The following LEPROTL1 variants were observed in gnomAD, a reference collection of about 807,000 sequenced individuals.
LEPROTL1 encodes leptin receptor overlapping transcript like 1.
A neutral mutation model predicts 15.4 loss-of-function variants in LEPROTL1; 6 were observed. That is an observed-to-expected ratio of 0.39 (90% confidence interval 0.21 to 0.77). The LOEUF is 0.77. Among genes scored for constraint, LEPROTL1 ranks in the 30% least tolerant of loss-of-function variants. LEPROTL1 has a pLI of 0.41. For missense variants in LEPROTL1, 128 were observed against 158.1 expected (o/e 0.81, Z 1.02); for synonymous variants, 56 against 52.6 (o/e 1.06, Z -0.28).
intron 1 of LEPROTL1, among the ~76,000 whole-genome samples, chr8:30,097,820 C>A (rs76935483): frequency 0.011 from 1,683 of 151,146 alleles, 35 homozygotes; most frequent in African/African-American, 0.039. Context: ...ATAGCACTTA[C>A]AATAAGACAA....
At chr8:30,103,149 A>C (rs1030781846) in intron 2 of LEPROTL1, among the ~76,000 whole-genome samples, 5 of 152,250 alleles carry the variant, frequency 3.3e-5, no homozygotes, top group Admixed American at 6.5e-5. Flanking sequence ...GTCCTTCAAA[A>C]GAAAAATGGT....
chr8:30,120,070 T>G (rs576144209), intron 3 of LEPROTL1, among the ~76,000 whole-genome samples: 4 of 22,336 alleles, frequency 1.8e-4, no homozygotes, highest in Admixed American at 1.5e-3. Flanking sequence ...CATCAATAAA[T>G]AAATAAATAA....
At position 30,106,419 on chromosome 8, in the gene LEPROTL1, CAG is replaced by C. The variant is rs1265076741; in HGVS notation, c.*560_*561del. 2.0e-6 allele frequency: 2 copies of C among 985,654 alleles called. No individual in the cohort carries two copies. Among genetic ancestry groups the C allele is most frequent in the African/African-American group, 3.5e-5 (2 of 57,222 alleles). 61.1% of individuals were successfully genotyped at this position (985,654 alleles called of 1,614,324 possible). A position where few individuals can be genotyped will look rare whatever the true frequency, so the allele number is the denominator to read the frequency against. ...TGCAAATATAGCTGCATTTATACCTCAGAGGGGCCAAGTGTTAATGCCCATGC... is the reference window on the plus strand; with the variant it reads ...TGCAAATATAGCTGCATTTATACCTCAGGGGCCAAGTGTTAATGCCCATGC... On this transcript the variant is annotated 3_prime_UTR_variant, in exon 4 of 4. Transcript: ENST00000321250.
At chr8:30,104,784 C>G (rs1461447336) in intron 3 of LEPROTL1, 2 of 186,502 alleles carry the variant, frequency 1.1e-5, no homozygotes, top group Non-Finnish European at 2.2e-5. Context: ...GTGATCTCAC[C>G]TCACTGCAAG....
At chr8:30,129,680 A>C (rs1802963188) in intron 3 of LEPROTL1, among the ~76,000 whole-genome samples, 1 of 147,520 alleles carries the variant, frequency 6.8e-6, no homozygotes. Context: ...ACACCACTGC[A>C]CTCCAGCCTG....
chr8:30,132,078 G>A lies in LEPROTL1; in HGVS notation c.280-297G>A. Reference sequence around the variant, plus strand: ...TGACCTCCACAGCCAGCATGATGTAGGCAATGATCAACTGGGTGTGGGCCC... The same window carrying A: ...TGACCTCCACAGCCAGCATGATGTAAGCAATGATCAACTGGGTGTGGGCCC... On this transcript the variant is annotated intron_variant, in intron 3 of 4. Coordinates refer to the LEPROTL1 transcript ENST00000442880. 3 of 1,551,778 alleles carry A rather than the reference G, an allele frequency of 1.9e-6. No homozygotes were observed. In the South Asian group the frequency reaches 3.6e-5, roughly 18 times the overall value.
At position 30,117,632 on chromosome 8, in the gene LEPROTL1, G is replaced by C; in HGVS notation, c.279+13146G>C. ...TGTGATCATCAATGATTTCAAATTC[G>C]CCAATGTAACCATGCTTCATCATCA... On this transcript the variant is annotated intron_variant, in intron 3 of 4. Transcript: ENST00000442880. 4 of 1,468,820 alleles carry C rather than the reference G, an allele frequency of 2.7e-6. No homozygotes were observed. In the Admixed American group the frequency reaches 6.7e-5, roughly 25 times the overall value. The allele number at this position is 1,468,820 out of a possible 1,614,324, so 91.0% of individuals were successfully genotyped here.
At chr8:30,134,514 A>G (rs1803098095) in intron 4 of LEPROTL1, among the ~76,000 whole-genome samples, 1 of 152,034 alleles carries the variant, frequency 6.6e-6, no homozygotes, top group African/African-American at 2.4e-5. Context: ...TCCCACTGTA[A>G]TGCCCAATTC....
intron 3 of LEPROTL1, among the ~76,000 whole-genome samples, chr8:30,105,470 C>T (rs1242911404): frequency 3.3e-5 from 5 of 150,652 alleles, no homozygotes; most frequent in African/African-American, 1.2e-4. Context: ...TTTAAAGGAA[C>T]CAAAGGTAAA....
rs925781527 is a variant in LEPROTL1 at position 30,107,855 on chromosome 8, T to C, written c.*1993T>C. On this transcript the variant is annotated 3_prime_UTR_variant, in exon 4 of 4. Coordinates refer to ENST00000321250, the MANE Select transcript of LEPROTL1 (RefSeq NM_015344.3). ...TTTATCCACTTGGCCACAGACTTTT[T>C]CTAACAGCTGCGTATTATTTCTATA... is the stretch of plus-strand genomic sequence containing the variant. 4.5e-5 allele frequency: 44 copies of C among 985,276 alleles called. No homozygotes were observed. Among genetic ancestry groups the C allele is most frequent in the Non-Finnish European group, 5.1e-5 (42 of 829,902 alleles). 61.0% of individuals were successfully genotyped at this position (985,276 alleles called of 1,614,324 possible).
downstream of LEPROTL1, among the ~76,000 whole-genome samples, chr8:30,112,822 C>G (rs555892253): frequency 6.6e-5 from 10 of 151,918 alleles, no homozygotes; most frequent in South Asian, 2.1e-3. Flanking sequence ...GTTAGATGTT[C>G]GCTGTTGCTT....
At chr8:30,098,478 TC>T (rs1374741409) in intron 1 of LEPROTL1, among the ~76,000 whole-genome samples, 1 of 152,226 alleles carries the variant, frequency 6.6e-6, no homozygotes, top group Non-Finnish European at 1.5e-5. Flanking sequence ...CTATTTTGTC[TC>T]TTTTTAGTGG....
At chr8:30,135,062 T>A (rs1302968748) in intron 4 of LEPROTL1, among the ~76,000 whole-genome samples, 1 of 150,354 alleles carries the variant, frequency 6.7e-6, no homozygotes, top group African/African-American at 2.4e-5. Context: ...GTGGGTTTTT[T>A]TTTTTTTTTT....
intron 3 of LEPROTL1, among the ~76,000 whole-genome samples, chr8:30,118,579 A>G (rs760663789): frequency 6.6e-6 from 1 of 152,180 alleles, no homozygotes; most frequent in Non-Finnish European, 1.5e-5. Context: ...AGGTGGGACA[A>G]GAGACTGAGA....
intron 3 of LEPROTL1, 178 bp downstream of exon 3, chr8:30,104,664 A>G (rs1225141835): frequency 2.3e-6 from 1 of 429,708 alleles, no homozygotes; most frequent in Non-Finnish European, 4.1e-6. Flanking sequence ...ATATTGGAGA[A>G]CGTGGCTTGG....
At chr8:30,097,692 T>TACAC (rs1194753050) in intron 1 of LEPROTL1, among the ~76,000 whole-genome samples, 1 of 117,056 alleles carries the variant, frequency 8.5e-6, no homozygotes, top group African/African-American at 3.5e-5. Flanking sequence ...AAAATATATA[T>TACAC]ATATATACAC....
At chr8:30,109,504 T>C (rs901884538), downstream of LEPROTL1, among the ~76,000 whole-genome samples, 9 of 152,372 alleles carry the variant, frequency 5.9e-5, no homozygotes, top group Middle Eastern at 3.4e-3. Flanking sequence ...TTAGAATATA[T>C]TAAAACACTT....
downstream of LEPROTL1, among the ~76,000 whole-genome samples, chr8:30,108,709 A>G (rs908292199): frequency 4.0e-5 from 6 of 150,374 alleles, no homozygotes; most frequent in African/African-American, 1.5e-4. Flanking sequence ...ATCTTGGCTC[A>G]CTGCAACTGC....
chr8:30,128,939 C>T (rs1802949167), intron 3 of LEPROTL1, among the ~76,000 whole-genome samples: 1 of 150,866 alleles, frequency 6.6e-6, no homozygotes, highest in African/African-American at 2.4e-5. Context: ...TTTTTTGAGA[C>T]AGAGTCTCTT....
Sources: gnomAD v4.1 joint callset for allele counts (sites outside exome capture counted in the v4.1 genomes callset) on GRCh38, gnomAD v4.1.1 for gene constraint, MANE v1.5 for transcripts, NCBI Gene and HGNC (gene_info 2026-07-23, HGNC 2026-07-21) for gene names.